The following CPA6 variants were observed in gnomAD, a reference collection of about 807,000 sequenced individuals.
CPA6 encodes carboxypeptidase A6.
CPA6 carries 58 observed loss-of-function variants against 63.3 expected under a neutral mutation model. That is an observed-to-expected ratio of 0.92 (90% confidence interval 0.74 to 1.14). The LOEUF (loss-of-function observed/expected upper bound fraction) is 1.14, where lower values mean the gene tolerates loss of function less well. CPA6 is among the 50% of genes most tolerant of loss of function. The pLI is 0.00. For missense variants in CPA6, 565 were observed against 526.6 expected, an observed-to-expected ratio of 1.07 and a Z score of -0.71; for synonymous variants, 185 against 179.0, an observed-to-expected ratio of 1.03 and a Z score of -0.27.
intron 2 of CPA6, among the ~76,000 whole-genome samples, chr8:67,571,396 T>C (rs967449908): frequency 2.0e-5 from 3 of 152,186 alleles, no homozygotes; most frequent in Non-Finnish European, 2.9e-5. Context: ...AGCAACAGAA[T>C]ACACATTCAC....
intron 1 of CPA6, among the ~76,000 whole-genome samples, chr8:67,701,316 G>T (rs1023481938): frequency 6.6e-6 from 1 of 152,108 alleles, no homozygotes; most frequent in Admixed American, 6.5e-5. Flanking sequence ...ATTTGTAAAA[G>T]AAGGTGATAT....
intron 2 of CPA6, among the ~76,000 whole-genome samples, chr8:67,574,738 T>A (rs1478403092): frequency 2.0e-5 from 3 of 151,486 alleles, no homozygotes; most frequent in Non-Finnish European, 4.4e-5. Flanking sequence ...AAAATTTAAC[T>A]AAAAATGGAT....
intron 2 of CPA6, among the ~76,000 whole-genome samples, chr8:67,604,566 C>T (rs1007420802): frequency 1.3e-5 from 2 of 152,164 alleles, no homozygotes; most frequent in Non-Finnish European, 2.9e-5. Context: ...AATCTCTCTC[C>T]ACCACAATAT....
At chr8:67,501,977 G>A (rs143726297) in intron 6 of CPA6, among the ~76,000 whole-genome samples, 2 of 152,282 alleles carry the variant, frequency 1.3e-5, no homozygotes, top group East Asian at 3.9e-4. Context: ...AGTTGGTGTT[G>A]TTCAACTAAT....
intron 1 of CPA6, among the ~76,000 whole-genome samples, chr8:67,627,443 T>C (rs1029364598): frequency 2.6e-5 from 4 of 152,176 alleles, no homozygotes; most frequent in Admixed American, 2.0e-4. Context: ...GTTTTTTGTT[T>C]GTTTGTTTGT....
At chr8:67,434,265 G>A in intron 8 of CPA6, 25 bp from the exon 9 acceptor site, 1 of 1,583,244 alleles carries the variant, frequency 6.3e-7, no homozygotes, top group Non-Finnish European at 8.7e-7. Flanking sequence ...AGAAAATGGG[G>A]TAAGGAAGTG....
At chr8:67,668,673 TA>T (rs1017153703) in intron 1 of CPA6, among the ~76,000 whole-genome samples, 1 of 152,242 alleles carries the variant, frequency 6.6e-6, no homozygotes, top group South Asian at 2.1e-4. Flanking sequence ...GTTTTAATGA[TA>T]AAAAAATCTG....
At chr8:67,678,407 T>C (rs1320748218) in intron 1 of CPA6, among the ~76,000 whole-genome samples, 14 of 152,088 alleles carry the variant, frequency 9.2e-5, no homozygotes, top group Non-Finnish European at 2.1e-4. Flanking sequence ...ATCCAAAATA[T>C]ATAAAGGACT....
intron 6 of CPA6, among the ~76,000 whole-genome samples, chr8:67,489,109 TC>T (rs1330260644): frequency 6.7e-6 from 1 of 149,218 alleles, no homozygotes; most frequent in East Asian, 1.9e-4. Context: ...GTGTTTTTTT[TC>T]TTTTTTTCTT....
intron 4 of CPA6, among the ~76,000 whole-genome samples, 192 bp downstream of exon 4, chr8:67,511,349 T>C (rs894935485): frequency 6.6e-6 from 1 of 152,226 alleles, no homozygotes; most frequent in Non-Finnish European, 1.5e-5. Context: ...ATACTTCTTA[T>C]ATACCATCAA....
intron 1 of CPA6, among the ~76,000 whole-genome samples, chr8:67,710,122 A>AG (rs1209076336): frequency 6.6e-6 from 1 of 152,024 alleles, no homozygotes; most frequent in East Asian, 1.9e-4. Context: ...CAAAAAAAAA[A>AG]AAGATTTTCT....
chr8:67,659,264 T>C (rs1483479060), intron 1 of CPA6, among the ~76,000 whole-genome samples: 1 of 152,200 alleles, frequency 6.6e-6, no homozygotes, highest in Non-Finnish European at 1.5e-5. Flanking sequence ...AAATTCAGAT[T>C]ACACCAGTCA....
chr8:67,553,681 A>C (rs557787024), intron 2 of CPA6, among the ~76,000 whole-genome samples: 1 of 152,360 alleles, frequency 6.6e-6, no homozygotes, highest in Admixed American at 6.5e-5. Context: ...CCTAATACTT[A>C]ACTCAAGCAT....
chr8:67,610,711 T>G (rs1356055295), intron 2 of CPA6, among the ~76,000 whole-genome samples: 1 of 152,196 alleles, frequency 6.6e-6, no homozygotes, highest in African/African-American at 2.4e-5. Context: ...TCAGCACATG[T>G]ACATGTCCAG....
At chr8:67,733,212 AAAAAAAAAAAAAT>A (rs1563412974) in intron 1 of CPA6, among the ~76,000 whole-genome samples, 8 of 130,386 alleles carry the variant, frequency 6.1e-5, no homozygotes, top group African/African-American at 2.1e-4. Context: ...AAAAAAAAAA[AAAAAAAAAAAAAT>A]AAAAAAATTT....
At chr8:67,693,159 A>G (rs1402387581) in intron 1 of CPA6, among the ~76,000 whole-genome samples, 2 of 152,246 alleles carry the variant, frequency 1.3e-5, no homozygotes, top group African/African-American at 4.8e-5. Flanking sequence ...TCTGTTTTCC[A>G]TTCAGCATTA....
chr8:67,443,807 T>C (rs1810349333), intron 8 of CPA6, among the ~76,000 whole-genome samples: 1 of 152,164 alleles, frequency 6.6e-6, no homozygotes, highest in Non-Finnish European at 1.5e-5. Flanking sequence ...TACAACAATC[T>C]GGGCCAGAGA....
intron 1 of CPA6, among the ~76,000 whole-genome samples, chr8:67,729,987 G>T (rs1490708487): frequency 1.3e-5 from 2 of 152,222 alleles, no homozygotes; most frequent in African/African-American, 4.8e-5. Flanking sequence ...GCTACACTCA[G>T]CATTCAACAC....
At chr8:67,653,126 C>A (rs923920516) in intron 1 of CPA6, among the ~76,000 whole-genome samples, 2 of 151,816 alleles carry the variant, frequency 1.3e-5, no homozygotes, top group African/African-American at 2.4e-5. Flanking sequence ...CAGTACCATG[C>A]TGTTTTGGTT....
Sources: gnomAD v4.1 joint callset for allele counts (sites outside exome capture counted in the v4.1 genomes callset) on GRCh38, gnomAD v4.1.1 for gene constraint, MANE v1.5 for transcripts, NCBI Gene and HGNC (gene_info 2026-07-23, HGNC 2026-07-21) for gene names.